Variants in L3MBTL3 observed in about 807,000 individuals in gnomAD.
L3MBTL3 encodes the protein lethal(3)malignant brain tumor-like protein 3.
In L3MBTL3, 27 loss-of-function variants were observed where a neutral mutation model predicts 102.3. The ratio of observed to expected loss-of-function variants is 0.26; its 90% confidence interval spans 0.19 to 0.36. The LOEUF (loss-of-function observed/expected upper bound fraction) is 0.36. Ranked by LOEUF, L3MBTL3 falls within the 10% of genes least tolerant of loss-of-function variation. The pLI is 1.00. For missense variants in L3MBTL3, 798 were observed against 955.3 expected (o/e 0.84, Z 2.17); for synonymous variants, 340 against 320.9 (o/e 1.06, Z -0.64).
intron 2 of L3MBTL3, among the ~76,000 whole-genome samples, chr6:130,038,224 A>T (rs890707465): frequency 2.0e-5 from 3 of 152,138 alleles, no homozygotes; most frequent in African/African-American, 7.2e-5. Context: ...ATAGTGCTGC[A>T]ATAAACATGG....
intron 10 of L3MBTL3, 123 bp downstream of exon 10, chr6:130,060,263 A>C: frequency 1.7e-6 from 1 of 592,554 alleles, no homozygotes; most frequent in African/African-American, 1.9e-5. Context: ...TGTGTGCATT[A>C]TTTCATTTAA....
intron 19 of L3MBTL3, among the ~76,000 whole-genome samples, chr6:130,106,664 G>A (rs558635581): frequency 1.3e-5 from 2 of 152,276 alleles, no homozygotes; most frequent in East Asian, 1.9e-4. Context: ...ATTGAGGTAT[G>A]CAGCAACGCT....
rs541355160 is a variant in L3MBTL3, at chr6:130,045,468, A to G, written c.102+2667A>G. On this transcript the variant is annotated intron_variant, in intron 3 of 22. Coordinates refer to ENST00000361794, the MANE Select transcript of L3MBTL3 (RefSeq NM_032438.4). ...CTGCATCTTTTTATTTAATTCTTTTATTTTACCCTTTTTAAGATAGTTTTT... is the reference window on the plus strand; with the variant it reads ...CTGCATCTTTTTATTTAATTCTTTTGTTTTACCCTTTTTAAGATAGTTTTT... Among the ~76,000 whole-genome samples, 135 of 152,172 alleles carry G rather than the reference A, an allele frequency of 8.9e-4. 1 individual carries two copies. The highest frequency in any genetic ancestry group is 1.7e-3 in the South Asian group (8 of 4,822).
chr6:130,115,039 TA>T (rs35706973), intron 19 of L3MBTL3, among the ~76,000 whole-genome samples: 9,914 of 143,108 alleles, frequency 0.069, 433 homozygotes, highest in Non-Finnish European at 0.11. Context: ...CTCAGAAACT[TA>T]AAAAAAAAAA....
intron 13 of L3MBTL3, among the ~76,000 whole-genome samples, chr6:130,072,447 CT>C (rs1782700219): frequency 6.6e-6 from 1 of 152,212 alleles, no homozygotes; most frequent in East Asian, 1.9e-4. Flanking sequence ...CAAGGCATGA[CT>C]CTGCTTTAGA....
chr6:130,067,430 T>TA (rs1342479090), intron 11 of L3MBTL3, among the ~76,000 whole-genome samples: 1 of 152,248 alleles, frequency 6.6e-6, no homozygotes, highest in East Asian at 1.9e-4. Context: ...AGTAATATCT[T>TA]ATTCCCTTCT....
At chr6:130,112,706 T>C (rs1001584615) in intron 19 of L3MBTL3, among the ~76,000 whole-genome samples, 2 of 144,800 alleles carry the variant, frequency 1.4e-5, no homozygotes, top group Non-Finnish European at 3.0e-5. Flanking sequence ...CTCTGCCCCA[T>C]ATTAAGACGG....
intron 19 of L3MBTL3, among the ~76,000 whole-genome samples, chr6:130,112,842 A>ATAGACAGAAATGTGAGTATGCT (rs1785440870): frequency 1.3e-5 from 2 of 152,168 alleles, no homozygotes; most frequent in African/African-American, 4.8e-5. Context: ...CGTGGTCCTT[A>ATAGACAGAAATGTGAGTATGCT]TAGACAGAAA....
intron 10 of L3MBTL3, among the ~76,000 whole-genome samples, chr6:130,064,746 G>C (rs1435516064): frequency 2.6e-5 from 4 of 152,136 alleles, no homozygotes; most frequent in Non-Finnish European, 5.9e-5. Flanking sequence ...GGACGAGCTA[G>C]GTATGACTGT....
Position 130,133,700 on chromosome 6 carries a change from A to G in L3MBTL3, c.2136+79A>G, listed in dbSNP as rs59822472. 5,626 of 1,547,748 alleles carry G rather than the reference A, an allele frequency of 3.6e-3. 195 individuals carry two copies. The African/African-American group carries it at 0.069, about 19-fold the overall frequency. ...GAGGTGTGGAACATTGAGCGTAGGT[A>G]GCGTTTAGTCTTTTTTTTTCTGAAA... On this transcript the variant is annotated intron_variant, in intron 21 of 22. Coordinates refer to ENST00000361794, the MANE Select transcript of L3MBTL3 (RefSeq NM_032438.4). This position sits in a 1 kb window ranked among gnomAD's most constrained non-coding sequence, Gnocchi z 4.9.
Position 130,111,589 on chromosome 6 carries a change from G to A in L3MBTL3, c.1886+7014G>A, listed in dbSNP as rs149403339. Among the ~76,000 whole-genome samples the A allele has an allele frequency of 1.6e-4, 25 of 152,312 alleles. No homozygotes were observed. The East Asian group carries it at 4.8e-3, about 29-fold the overall frequency. On this transcript the variant is annotated intron_variant, in intron 19 of 22. Coordinates refer to ENST00000361794, the MANE Select transcript of L3MBTL3 (RefSeq NM_032438.4). ...GTTGCTTTTGATTCAGAGCTTATTTGTAATAGGACTAGCATAAGTTAACAG... is the reference window on the plus strand; with the variant it reads ...GTTGCTTTTGATTCAGAGCTTATTTATAATAGGACTAGCATAAGTTAACAG...
rs1781190794 is a variant in L3MBTL3, at chr6:130,052,848, A to G, written c.450-11A>G. On this transcript the variant is annotated splice_polypyrimidine_tract_variant and intron_variant, in intron 6 of 22. Transcript: ENST00000361794. ...TCTCTTGTCACTATTTTGGGTTTAT[A>G]AACACAACAGAGATCAGAAGGAAGA... 1 of 1,611,126 alleles carries G rather than the reference A, an allele frequency of 6.2e-7. No individual in the cohort carries two copies. Among genetic ancestry groups the G allele is most frequent in the Non-Finnish European group, 8.5e-7 (1 of 1,178,288 alleles).
At chr6:130,023,464 G>A (rs918403019) in intron 2 of L3MBTL3, among the ~76,000 whole-genome samples, 1 of 152,156 alleles carries the variant, frequency 6.6e-6, no homozygotes, top group African/African-American at 2.4e-5. Flanking sequence ...ATGTTTAAAT[G>A]TGCTGAGTTG....
At chr6:130,063,095 T>G (rs1782017723) in intron 10 of L3MBTL3, among the ~76,000 whole-genome samples, 1 of 151,586 alleles carries the variant, frequency 6.6e-6, no homozygotes, top group South Asian at 2.1e-4. Context: ...TATTGGAAGA[T>G]TCAGAGAAGA....
Position 130,133,537 on chromosome 6 carries a change from C to A in L3MBTL3, c.2052C>A (p.Pro684=). The A allele has an allele frequency of 1.2e-6, 2 of 1,614,142 alleles. No homozygotes were observed. Among genetic ancestry groups the A allele is most frequent in the African/African-American group, 1.3e-5 (1 of 75,060 alleles). Residue 684 remains proline, a synonymous_variant, in exon 21 of 23, where the codon CCC becomes CCA. Coordinates refer to ENST00000361794, the MANE Select transcript of L3MBTL3 (RefSeq NM_032438.4). This position sits in a 1 kb window ranked among gnomAD's most constrained non-coding sequence, Gnocchi z 4.9. ...LSFKSPIPCL[P]LRWEQQSKLL... Reference sequence around the variant, plus strand: ...TTAAGTCCCCAATTCCATGTCTGCCCTTGCGCTGGGAGCAGCAAAGCAAAC... The same window carrying A: ...TTAAGTCCCCAATTCCATGTCTGCCATTGCGCTGGGAGCAGCAAAGCAAAC...
chr6:130,078,498 T>G, intron 13 of L3MBTL3, 60 bp from the exon 14 acceptor site: 1 of 1,106,718 alleles, frequency 9.0e-7, no homozygotes, highest in Non-Finnish European at 1.4e-6. Context: ...TCTTTTTATT[T>G]TACTAGTTTT....
chr6:130,089,354 A>C (rs1405570646), intron 16 of L3MBTL3, among the ~76,000 whole-genome samples: 1 of 151,910 alleles, frequency 6.6e-6, no homozygotes, highest in Admixed American at 6.6e-5. Context: ...GCTGAGAATG[A>C]TGGTTTCCAG....
intron 20 of L3MBTL3, among the ~76,000 whole-genome samples, chr6:130,121,949 G>A (rs975180836): frequency 6.6e-6 from 1 of 152,166 alleles, no homozygotes; most frequent in Non-Finnish European, 1.5e-5. Context: ...GGGAGGCTGA[G>A]GCAGGAGAAT....
chr6:130,020,291 G>A (rs1289367743), intron 1 of L3MBTL3, among the ~76,000 whole-genome samples: 3 of 151,044 alleles, frequency 2.0e-5, no homozygotes, highest in African/African-American at 4.9e-5. Flanking sequence ...AGGAGCCGAG[G>A]CATCCGCCGC....
Sources: gnomAD v4.1 joint callset for allele counts (sites outside exome capture counted in the v4.1 genomes callset) on GRCh38, gnomAD v4.1.1 for gene constraint, Gnocchi (gnomAD v3.1) non-coding constraint, MANE v1.5 for transcripts, NCBI Gene and HGNC (gene_info 2026-07-23, HGNC 2026-07-21) for gene names.